LRFN2: variants seen among roughly 807,000 people sequenced by gnomAD.
LRFN2 encodes leucine rich repeat and fibronectin type III domain containing 2, also known as leucine-rich repeat and fibronectin type-III domain-containing protein 2.
In LRFN2, 18 loss-of-function variants were observed where a neutral mutation model predicts 37.3. The observed-to-expected ratio is 0.48, with a 90% confidence interval of 0.33 to 0.72. LRFN2 has a LOEUF of 0.72. Among genes scored for constraint, LRFN2 ranks in the 30% least tolerant of loss-of-function variants. The pLI, the probability that LRFN2 is intolerant of heterozygous loss-of-function variation, is 0.02. For missense variants in LRFN2, 1,006 were observed against 1,060.7 expected (o/e 0.95, Z 0.72); for synonymous variants, 556 against 466.6 (o/e 1.19, Z -2.47).
At chr6:40,493,650 C>T (rs890838397) in intron 1 of LRFN2, among the ~76,000 whole-genome samples, 10 of 152,218 alleles carry the variant, frequency 6.6e-5, no homozygotes, top group Non-Finnish European at 1.2e-4. Flanking sequence ...TCCTGCACCT[C>T]CATCTCTTGG....
At chr6:40,435,052 T>TATATATATAGAGAGAGAG (rs1482968698) in intron 1 of LRFN2, among the ~76,000 whole-genome samples, 1 of 37,542 alleles carries the variant, frequency 2.7e-5, no homozygotes, top group Non-Finnish European at 4.9e-5. Flanking sequence ...TATATATATA[T>TATATATATAGAGAGAGAG]AGAGAGAGAG....
intron 1 of LRFN2, among the ~76,000 whole-genome samples, chr6:40,533,228 C>A (rs777048160): frequency 5.3e-5 from 8 of 151,978 alleles, no homozygotes; most frequent in Non-Finnish European, 1.0e-4. Context: ...TTAGTCTTTT[C>A]TTTTTCTTTC....
At chr6:40,416,252 G>T (rs1377636282) in intron 2 of LRFN2, among the ~76,000 whole-genome samples, 1 of 152,128 alleles carries the variant, frequency 6.6e-6, no homozygotes, top group African/African-American at 2.4e-5. Context: ...CAAGTGATCT[G>T]CCCGCCTCAG....
intron 1 of LRFN2, among the ~76,000 whole-genome samples, chr6:40,433,708 G>A (rs1199881419): frequency 2.0e-5 from 3 of 152,214 alleles, no homozygotes; most frequent in African/African-American, 7.2e-5. Context: ...TAAGAAGAGA[G>A]TTGGTGCTGA....
intron 2 of LRFN2, among the ~76,000 whole-genome samples, chr6:40,396,938 C>T (rs531963621): frequency 6.6e-6 from 1 of 152,242 alleles, no homozygotes; most frequent in African/African-American, 2.4e-5. Context: ...CTCCTACAAC[C>T]CTCTGAGGAA....
intron 1 of LRFN2, among the ~76,000 whole-genome samples, chr6:40,473,753 A>G (rs371797781): frequency 6.6e-6 from 1 of 152,120 alleles, no homozygotes; most frequent in Admixed American, 6.6e-5. Flanking sequence ...ACCCCCAACA[A>G]GCCTCGGCGT....
chr6:40,564,290 C>T (rs1016365003), intron 1 of LRFN2, among the ~76,000 whole-genome samples: 9 of 152,178 alleles, frequency 5.9e-5, no homozygotes, highest in African/African-American at 2.2e-4. Context: ...CAAGAGTTAA[C>T]AGTAACAGTC....
At chr6:40,469,854 C>T (rs1180636466) in intron 1 of LRFN2, among the ~76,000 whole-genome samples, 1 of 152,164 alleles carries the variant, frequency 6.6e-6, no homozygotes, top group African/African-American at 2.4e-5. Flanking sequence ...AAGAGCTGCA[C>T]CAGGACATCC....
At chr6:40,515,781 T>A (rs1765849649) in intron 1 of LRFN2, among the ~76,000 whole-genome samples, 1 of 150,196 alleles carries the variant, frequency 6.7e-6, no homozygotes, top group Non-Finnish European at 1.5e-5. Context: ...TAATCCCAGG[T>A]ACTCGGGAGG....
chr6:40,458,405 G>T (rs559740241), intron 1 of LRFN2, among the ~76,000 whole-genome samples: 115 of 152,326 alleles, frequency 7.5e-4, no homozygotes, highest in African/African-American at 2.6e-3. Flanking sequence ...CTATTTAGGA[G>T]CAGCAAAAAG....
At chr6:40,481,204 G>A (rs1449860618) in intron 1 of LRFN2, among the ~76,000 whole-genome samples, 1 of 152,120 alleles carries the variant, frequency 6.6e-6, no homozygotes, top group African/African-American at 2.4e-5. Flanking sequence ...GGGAGGTGGA[G>A]GCAGGAGGAT....
In LRFN2 at chr6:40,432,492, G is replaced by T. The variant is rs766641009; in HGVS notation, c.622C>A (p.Arg208=). 6.8e-6 allele frequency: 11 copies of T among 1,614,234 alleles called. No homozygotes were observed. Among genetic ancestry groups the T allele is most frequent in the South Asian group, 1.1e-5 (1 of 91,082 alleles). Residue 208 remains arginine (R), a synonymous_variant, in exon 2 of 3, where the codon CGG becomes AGG. Transcript: ENST00000338305. ...KLARLDLTSN[R]LQKLPPDPIF... ...GGATCAGGGGGCAGCTTCTGCAGCC[G>T]ATTGGAGGTGAGATCCAGGCGGGCC...
chr6:40,478,654 T>C (rs981313760), intron 1 of LRFN2, among the ~76,000 whole-genome samples: 3 of 152,180 alleles, frequency 2.0e-5, no homozygotes, highest in Non-Finnish European at 2.9e-5. Flanking sequence ...CCAGGGTTGG[T>C]CAGTAGCTGA....
At chr6:40,397,644 C>T (rs1159002667) in intron 2 of LRFN2, among the ~76,000 whole-genome samples, 3 of 152,186 alleles carry the variant, frequency 2.0e-5, no homozygotes, top group Non-Finnish European at 4.4e-5. Context: ...GAAAACACTG[C>T]AGAATCAGCC....
At chr6:40,414,797 T>C (rs1045070261) in intron 2 of LRFN2, among the ~76,000 whole-genome samples, 2 of 152,212 alleles carry the variant, frequency 1.3e-5, no homozygotes, top group South Asian at 4.1e-4. Flanking sequence ...AAACCCCACG[T>C]GACCACAAAG....
In LRFN2 at chr6:40,399,436, T is replaced by TC. The variant is rs1409523854; in HGVS notation, c.1401-6525_1401-6524insG. 4.2e-5 allele frequency among the ~76,000 whole-genome samples: 5 copies of TC among 118,210 alleles called. No individual in the cohort carries two copies. The East Asian group carries it at 6.8e-4, about 16-fold the overall frequency. The allele number at this position is 118,210 out of a possible 152,430, so 77.6% of individuals were successfully genotyped here. A position where few individuals can be genotyped will look rare whatever the true frequency, so the allele number is the denominator to read the frequency against. ...CTTTCTTTTTCTTTTCTTTTTTTTT[T>TC]TCTTTTTTTTTTTTTTTGAGACACA... On this transcript the variant is annotated intron_variant, in intron 2 of 2. Transcript: ENST00000338305.
At position 40,522,851 on chromosome 6, in the gene LRFN2, T is replaced by C. The variant is rs573827270; in HGVS notation, c.-19+64090A>G. ...CACTCATGCCTTCCCTGAGCCTGTG[T>C]CATGTTTGTGACTCTGTCCTCTGTA... On this transcript the variant is annotated intron_variant, in intron 1 of 2. Coordinates refer to ENST00000338305, the MANE Select transcript of LRFN2 (RefSeq NM_020737.3). Among the ~76,000 whole-genome samples, 4 of 152,328 alleles carry C rather than the reference T, an allele frequency of 2.6e-5. No individual in the cohort carries two copies. The South Asian group carries it at 8.3e-4, about 32-fold the overall frequency.
Position 40,546,246 on chromosome 6 carries a change from T to C in LRFN2, c.-19+40695A>G, listed in dbSNP as rs72853051. ...GGAACAGCCCAGAGAAGCGGGGCCT[T>C]GAATGCAGCTGAGGATGCAGCTCTG... On this transcript the variant is annotated intron_variant, in intron 1 of 2. Coordinates refer to ENST00000338305, the MANE Select transcript of LRFN2 (RefSeq NM_020737.3). 3.6e-3 allele frequency among the ~76,000 whole-genome samples: 553 copies of C among 152,298 alleles called. 7 individuals carry two copies. Among genetic ancestry groups the C allele is most frequent in the Non-Finnish European group, 3.8e-3 (256 of 68,014 alleles).
intron 1 of LRFN2, among the ~76,000 whole-genome samples, chr6:40,534,496 G>A (rs949883970): frequency 5.9e-5 from 9 of 152,004 alleles, no homozygotes; most frequent in South Asian, 2.1e-4. Flanking sequence ...AACGGCAGGC[G>A]GACAAGATCT....
Sources: gnomAD v4.1 joint callset for allele counts (sites outside exome capture counted in the v4.1 genomes callset) on GRCh38, gnomAD v4.1.1 for gene constraint, MANE v1.5 for transcripts, NCBI Gene and HGNC (gene_info 2026-07-23, HGNC 2026-07-21) for gene names.